Variants in CERS6 observed in about 807,000 individuals in gnomAD.
CERS6 encodes the protein LAG1 homolog, ceramide synthase 6.
Under a neutral mutation model 56.8 loss-of-function variants are expected in CERS6, and 26 were observed. The ratio of observed to expected loss-of-function variants is 0.46; its 90% CI spans 0.34 to 0.63. The LOEUF (loss-of-function observed/expected upper bound fraction) is 0.63, where lower values mean the gene tolerates loss of function less well. Among genes scored for constraint, CERS6 ranks in the 30% least tolerant of loss-of-function variants. The pLI is 0.01. For synonymous variants in CERS6, 164 were observed against 173.3 expected (o/e 0.95, Z 0.42); for missense variants, 415 against 467.5 (o/e 0.89, Z 1.04).
At chr2:168,645,777 G>A (rs976617127) in intron 4 of CERS6, among the ~76,000 whole-genome samples, 1 of 152,190 alleles carries the variant, frequency 6.6e-6, no homozygotes, top group Admixed American at 6.5e-5. Flanking sequence ...ACCTATAAGT[G>A]AGAAGATGTG....
chr2:168,513,482 C>G lies in CERS6; in HGVS notation c.171-34114C>G, dbSNP rs141109047. ...ATGACTTGAGCAGTTTTGAAGAGTT[C>G]TGGTCAGGTATTTTGTAGAATGTCC... On this transcript the variant is annotated intron_variant, in intron 1 of 9. Transcript: ENST00000305747. Among the ~76,000 whole-genome samples the G allele has an allele frequency of 2.6e-5, 4 of 152,194 alleles. No homozygotes were observed. In the East Asian group the frequency reaches 5.8e-4, roughly 22 times the overall value.
chr2:168,674,228 T>C (rs1427963361), intron 4 of CERS6, among the ~76,000 whole-genome samples: 2 of 152,224 alleles, frequency 1.3e-5, no homozygotes, highest in Non-Finnish European at 2.9e-5. Flanking sequence ...GTCCTCAGGA[T>C]GATGATTTTT....
chr2:168,607,918 T>C (rs1684092404), intron 3 of CERS6, among the ~76,000 whole-genome samples: 1 of 152,214 alleles, frequency 6.6e-6, no homozygotes, highest in Non-Finnish European at 1.5e-5. Flanking sequence ...TGAAATATCT[T>C]GAGTATCAGT....
At chr2:168,526,987 T>C (rs1695083178) in intron 1 of CERS6, among the ~76,000 whole-genome samples, 1 of 152,244 alleles carries the variant, frequency 6.6e-6, no homozygotes, top group Non-Finnish European at 1.5e-5. Context: ...CCATTATCTC[T>C]TGGCTCCAAA....
At chr2:168,742,365 T>A (rs148182299) in intron 8 of CERS6, among the ~76,000 whole-genome samples, 1 of 152,326 alleles carries the variant, frequency 6.6e-6, no homozygotes, top group African/African-American at 2.4e-5. Context: ...GTATAAATAT[T>A]GCAAGAGAAA....
At chr2:168,721,554 G>GT (rs5836196) in intron 8 of CERS6, among the ~76,000 whole-genome samples, 39,324 of 77,192 alleles carry the variant, frequency 0.51, 6,711 homozygotes, top group East Asian at 0.66. Flanking sequence ...TTTTGTTTTT[G>GT]TTTTTTTTTT....
rs1574096659 is a variant in CERS6 at position 168,607,601 on chromosome 2, C to T, written c.408-23384C>T. ...TTCACCATGTTGGCCAGGATGATCT[C>T]GATCTCCTGATCTTGTGATCCGCCT... On this transcript the variant is annotated intron_variant, in intron 3 of 9. Coordinates refer to ENST00000305747, the MANE Select transcript of CERS6 (RefSeq NM_203463.3). Among the ~76,000 whole-genome samples, 3 of 152,076 alleles carry T rather than the reference C, an allele frequency of 2.0e-5. 1 individual carries two copies. The highest frequency in any genetic ancestry group is 2.0e-4 in the Admixed American group (3 of 15,262).
At chr2:168,690,122 A>G (rs1437733055) in intron 4 of CERS6, among the ~76,000 whole-genome samples, 1 of 152,212 alleles carries the variant, frequency 6.6e-6, no homozygotes, top group Non-Finnish European at 1.5e-5. Context: ...AGCAGATATT[A>G]GCCACCTGAA....
At chr2:168,566,800 C>CAAAA (rs35044625) in intron 3 of CERS6, among the ~76,000 whole-genome samples, 7 of 144,284 alleles carry the variant, frequency 4.9e-5, no homozygotes, top group Middle Eastern at 3.5e-3. Context: ...CACCTACTTG[C>CAAAA]AAAAAAAAAA....
intron 3 of CERS6, among the ~76,000 whole-genome samples, chr2:168,629,885 G>A (rs1333860794): frequency 2.0e-5 from 3 of 150,884 alleles, no homozygotes; most frequent in East Asian, 3.9e-4. Context: ...GTGGGATCTC[G>A]GCTCACTGCA....
intron 6 of CERS6, among the ~76,000 whole-genome samples, chr2:168,695,793 A>G (rs1686631096): frequency 6.6e-6 from 1 of 152,176 alleles, no homozygotes; most frequent in Non-Finnish European, 1.5e-5. Context: ...ACTTCCAACC[A>G]TAACCTACAT....
chr2:168,519,944 A>C (rs558845052), intron 1 of CERS6, among the ~76,000 whole-genome samples: 1 of 152,324 alleles, frequency 6.6e-6, no homozygotes, highest in Admixed American at 6.5e-5. Flanking sequence ...GTATTTACCC[A>C]GTTATAGGAT....
At position 168,717,763 on chromosome 2, in the gene CERS6, A is replaced by G. The variant is rs1004221022; in HGVS notation, c.739-109A>G. 1.2e-5 allele frequency: 8 copies of G among 679,488 alleles called. No individual in the cohort carries two copies. In the South Asian group the frequency reaches 1.3e-4, roughly 11 times the overall value. 42.1% of individuals were successfully genotyped at this position (679,488 alleles called of 1,614,324 possible). ...GCTGAAATGCATAAAAATGCAGGCAATTTTATGCATCTGGTAAGGTATATC... is the reference window on the plus strand; with the variant it reads ...GCTGAAATGCATAAAAATGCAGGCAGTTTTATGCATCTGGTAAGGTATATC... On this transcript the variant is annotated intron_variant, in intron 7 of 9. Transcript: ENST00000305747.
chr2:168,593,447 T>C (rs941411456), intron 3 of CERS6, among the ~76,000 whole-genome samples: 1 of 152,196 alleles, frequency 6.6e-6, no homozygotes, highest in Non-Finnish European at 1.5e-5. Context: ...CAAAGTGACT[T>C]AAATAAGGGG....
intron 1 of CERS6, among the ~76,000 whole-genome samples, chr2:168,491,990 G>A (rs1249609455): frequency 2.0e-5 from 3 of 152,164 alleles, no homozygotes; most frequent in Non-Finnish European, 1.5e-5. Context: ...TGGTGTATAT[G>A]TGCCACATTT....
At chr2:168,600,397 G>C (rs1208565692) in intron 3 of CERS6, among the ~76,000 whole-genome samples, 1 of 151,938 alleles carries the variant, frequency 6.6e-6, no homozygotes, top group African/African-American at 2.4e-5. Context: ...GTAGAGACGG[G>C]GTTTCACCCT....
At chr2:168,652,026 C>T (rs776638886) in intron 4 of CERS6, among the ~76,000 whole-genome samples, 1 of 132,998 alleles carries the variant, frequency 7.5e-6, no homozygotes, top group Non-Finnish European at 1.8e-5. Context: ...TCTCTCACTG[C>T]CCCCCACCCC....
At chr2:168,743,361 C>T (rs1212422500) in intron 8 of CERS6, among the ~76,000 whole-genome samples, 2 of 151,890 alleles carry the variant, frequency 1.3e-5, no homozygotes, top group African/African-American at 2.4e-5. Context: ...TTTGGCTGGG[C>T]GCAGTGCTCA....
At chr2:168,527,508 G>A (rs1026398666) in intron 1 of CERS6, among the ~76,000 whole-genome samples, 1 of 152,126 alleles carries the variant, frequency 6.6e-6, no homozygotes, top group Non-Finnish European at 1.5e-5. Flanking sequence ...ACACTGGGTA[G>A]TTTGCAAAGA....
Sources: gnomAD v4.1 joint callset for allele counts (sites outside exome capture counted in the v4.1 genomes callset) on GRCh38, gnomAD v4.1.1 for gene constraint, MANE v1.5 for transcripts, NCBI Gene and HGNC (gene_info 2026-07-23, HGNC 2026-07-21) for gene names.